Variants in CDH13 observed in about 807,000 individuals in gnomAD.
The protein encoded by CDH13 is cadherin-13.
A neutral mutation model predicts 63.8 loss-of-function variants in CDH13; 24 were observed. The ratio of observed to expected loss-of-function variants is 0.38; its 90% CI spans 0.27 to 0.53. CDH13 has a LOEUF of 0.53. Ranked by LOEUF, CDH13 falls within the 20% of genes least tolerant of loss-of-function variation. The pLI is 0.85. For missense variants in CDH13, 1,049 were observed against 903.1 expected (o/e 1.16, Z -2.07); for synonymous variants, 503 against 355.3 (o/e 1.42, Z -4.67).
chr16:83,209,707 G>A (rs2039284429), intron 4 of CDH13, among the ~76,000 whole-genome samples: 1 of 152,132 alleles, frequency 6.6e-6, no homozygotes, highest in Non-Finnish European at 1.5e-5. Flanking sequence ...CAGCCTGAGG[G>A]ACAGTTACCA....
chr16:83,582,214 C>T (rs77281131), intron 7 of CDH13, among the ~76,000 whole-genome samples: 1 of 152,110 alleles, frequency 6.6e-6, no homozygotes, highest in Non-Finnish European at 1.5e-5. Context: ...TTCTGCAGGG[C>T]AATGCTGGGC....
At chr16:83,198,227 C>T (rs74249508) in intron 4 of CDH13, among the ~76,000 whole-genome samples, 4,432 of 152,000 alleles carry the variant, frequency 0.029, 78 homozygotes, top group East Asian at 0.1. Flanking sequence ...CCAAGTACAA[C>T]AATTTACAGC....
At chr16:83,153,879 T>C (rs1481529730) in intron 4 of CDH13, among the ~76,000 whole-genome samples, 1 of 152,212 alleles carries the variant, frequency 6.6e-6, no homozygotes, top group Non-Finnish European at 1.5e-5. Context: ...ATTTTATATT[T>C]AGAAATTAAG....
At chr16:83,181,191 C>A in intron 4 of CDH13, 1 of 529,462 alleles carries the variant, frequency 1.9e-6, no homozygotes, top group Admixed American at 3.6e-5. Flanking sequence ...AGAAATGAGG[C>A]CTCAGGCAAG....
At chr16:83,110,893 T>C (rs1415422881) in intron 3 of CDH13, among the ~76,000 whole-genome samples, 1 of 151,856 alleles carries the variant, frequency 6.6e-6, no homozygotes, top group African/African-American at 2.4e-5. Context: ...GGACTTTTCC[T>C]GTTTTCTTGT....
chr16:83,059,230 G>A, intron 3 of CDH13, among the ~76,000 whole-genome samples: 1 of 149,830 alleles, frequency 6.7e-6, no homozygotes, highest in African/African-American at 2.5e-5. Flanking sequence ...AGAATTCTCA[G>A]AGTCATCCAC....
intron 2 of CDH13, among the ~76,000 whole-genome samples, chr16:82,906,173 A>G (rs8045708): frequency 6.6e-6 from 1 of 151,984 alleles, no homozygotes; most frequent in Admixed American, 6.5e-5. Context: ...CTTAATGAAG[A>G]TGGAGAAGTT....
intron 6 of CDH13, among the ~76,000 whole-genome samples, chr16:83,416,721 G>C (rs1052816776): frequency 1.3e-5 from 2 of 152,162 alleles, no homozygotes; most frequent in African/African-American, 2.4e-5. Flanking sequence ...AGAGTGCAGA[G>C]CAGAAAGATG....
At chr16:83,675,086 A>T (rs1411086921) in intron 9 of CDH13, among the ~76,000 whole-genome samples, 1 of 152,172 alleles carries the variant, frequency 6.6e-6, no homozygotes, top group African/African-American at 2.4e-5. Context: ...AAAAAATATT[A>T]ATTGAATTGC....
intron 4 of CDH13, among the ~76,000 whole-genome samples, chr16:83,165,083 GAA>G (rs397774378): frequency 1.6e-5 from 2 of 127,412 alleles, no homozygotes; most frequent in South Asian, 2.6e-4. Flanking sequence ...AGAAGCAGGA[GAA>G]AAAAAAAAAA....
At chr16:83,731,430 T>G (rs1911034221) in intron 10 of CDH13, among the ~76,000 whole-genome samples, 1 of 152,216 alleles carries the variant, frequency 6.6e-6, no homozygotes, top group South Asian at 2.1e-4. Flanking sequence ...GTGGAGCATT[T>G]CTTCATATGT....
chr16:82,812,598 A>G (rs1023713467), intron 1 of CDH13, among the ~76,000 whole-genome samples: 1 of 152,112 alleles, frequency 6.6e-6, no homozygotes, highest in Non-Finnish European at 1.5e-5. Context: ...CCCTGCATCT[A>G]GTGACACGGA....
intron 1 of CDH13, 144 bp downstream of exon 1, chr16:82,627,281 A>G (rs1445695890): frequency 2.1e-5 from 15 of 710,932 alleles, no homozygotes; most frequent in African/African-American, 3.6e-5. Context: ...TAGGGAGGTC[A>G]TTCCGAGCCC....
intron 5 of CDH13, among the ~76,000 whole-genome samples, chr16:83,269,613 T>A (rs1449444436): frequency 1.3e-5 from 2 of 152,076 alleles, no homozygotes. Context: ...AGAATGAGGG[T>A]TATGTTGTCC....
chr16:82,680,072 C>G (rs370426682), intron 1 of CDH13, among the ~76,000 whole-genome samples: 2 of 152,162 alleles, frequency 1.3e-5, no homozygotes, highest in Non-Finnish European at 1.5e-5. Flanking sequence ...ACTCTCATCC[C>G]TCCACTGGGG....
chr16:83,697,947 C>A (rs1448239652), intron 10 of CDH13, among the ~76,000 whole-genome samples: 4 of 152,212 alleles, frequency 2.6e-5, no homozygotes, highest in African/African-American at 9.6e-5. Context: ...TGCACCCAGC[C>A]TACAGTAGTT....
chr16:83,267,635 G>A (rs1031293279), intron 5 of CDH13, among the ~76,000 whole-genome samples: 1 of 152,082 alleles, frequency 6.6e-6, no homozygotes, highest in African/African-American at 2.4e-5. Flanking sequence ...AAAAGGATGA[G>A]TTCGGCCCCC....
chr16:82,642,840 T>C (rs1415108251), intron 1 of CDH13, among the ~76,000 whole-genome samples: 1 of 152,166 alleles, frequency 6.6e-6, no homozygotes, highest in Non-Finnish European at 1.5e-5. Context: ...TCTTCTATGG[T>C]TTTAATCCCA....
At chr16:82,871,180 G>T (rs561724089) in intron 2 of CDH13, among the ~76,000 whole-genome samples, 50 of 152,326 alleles carry the variant, frequency 3.3e-4, no homozygotes, top group African/African-American at 1.2e-3. Context: ...TGGGCTGGCT[G>T]GTGTTGATCA....
Sources: allele counts gnomAD v4.1 joint callset (sites outside exome capture counted in the v4.1 genomes callset), GRCh38; gene constraint gnomAD v4.1.1; transcripts MANE v1.5; gene names NCBI Gene and HGNC (gene_info 2026-07-23, HGNC 2026-07-21).